CUX2: variants seen among roughly 807,000 people sequenced by gnomAD.
CUX2 encodes homeobox protein cut-like 2.
Under a neutral mutation model 144.8 loss-of-function variants are expected in CUX2, and 40 were observed. That is an observed-to-expected ratio of 0.28 (90% confidence interval 0.21 to 0.36). CUX2 has a LOEUF of 0.36. Ranked by LOEUF, CUX2 falls within the 10% of genes least tolerant of loss-of-function variation. The probability of loss-of-function intolerance (pLI) is 1.00; values close to 1 mark genes in which losing one functional copy is unlikely to be tolerated. For synonymous variants in CUX2, 827 were observed against 875.6 expected (o/e 0.94, Z 0.98); for missense variants, 1,615 against 1,994.0 (o/e 0.81, Z 3.62).
chr12:111,341,898 C>G lies in CUX2; in HGVS notation c.3504C>G (p.Ile1168Met), dbSNP rs764195873. Residue 1168 changes from isoleucine to methionine, a missense_variant, in exon 21 of 22, where the codon ATC becomes ATG. Transcript: ENST00000261726. ...CCCAGGACCTGAGCCTCCTGCAGAT[C>G]AAGAAGCCCCGGGTGGTGCTGGCAC... ...LQPQDLSLLQIKKPRVVLAPE... is the reference protein window; with the variant it reads ...LQPQDLSLLQMKKPRVVLAPE... The G allele has an allele frequency of 6.2e-6, 10 of 1,614,082 alleles. No individual in the cohort carries two copies. The South Asian group carries it at 1.1e-4, about 18-fold the overall frequency.
chr12:111,236,144 A>G (rs913026979), intron 3 of CUX2, among the ~76,000 whole-genome samples: 3 of 152,188 alleles, frequency 2.0e-5, no homozygotes, highest in Non-Finnish European at 4.4e-5. Context: ...CCATGACACT[A>G]TGCCTAGCAC....
rs1261463380 is a variant in CUX2, at chr12:111,295,258, G to C, written c.561-75G>C. ...GGAGTGGGCAAGGGGTAGGAAGCAA[G>C]ATGGGGCTCGACTCGGGGGCCCCAG... is the stretch of plus-strand genomic sequence containing the variant. On this transcript the variant is annotated intron_variant, in intron 6 of 21. Transcript: ENST00000261726. The surrounding 1 kb of genome is among the most constrained non-coding windows in gnomAD (Gnocchi z 5.0). The C allele has an allele frequency of 7.2e-7, 1 of 1,384,466 alleles. No homozygotes were observed. Among genetic ancestry groups the C allele is most frequent in the African/African-American group, 1.4e-5 (1 of 69,740 alleles). 85.8% of individuals were successfully genotyped at this position (1,384,466 alleles called of 1,614,324 possible). A position where few individuals can be genotyped will look rare whatever the true frequency, so the allele number is the denominator to read the frequency against.
intron 4 of CUX2, among the ~76,000 whole-genome samples, chr12:111,265,291 CTATTT>C (rs770725447): frequency 6.0e-5 from 9 of 149,594 alleles, no homozygotes; most frequent in South Asian, 2.1e-4. Context: ...AAAGCTTCCC[CTATTT>C]TATTTTATTT....
chr12:111,151,566 A>T (rs1239900156), intron 1 of CUX2, among the ~76,000 whole-genome samples: 1 of 152,166 alleles, frequency 6.6e-6, no homozygotes, highest in Non-Finnish European at 1.5e-5. Context: ...GGCAGCGAGA[A>T]TTGGGCACCT....
At chr12:111,087,385 A>G (rs999703146) in intron 1 of CUX2, among the ~76,000 whole-genome samples, 2 of 151,196 alleles carry the variant, frequency 1.3e-5, no homozygotes, top group African/African-American at 2.4e-5. Context: ...AAAAAAAAAA[A>G]AAAAAAAAAG....
At position 111,281,248 on chromosome 12, in the gene CUX2, C is replaced by A. The variant is rs1592913499; in HGVS notation, c.302-10170C>A. On this transcript the variant is annotated intron_variant, in intron 4 of 21. Transcript: ENST00000261726. ...CCAACTCCACTCCAGCCACTGGGACCTGGTGTCTTGTCCTCAGATGCCACT... is the reference window on the plus strand; with the variant it reads ...CCAACTCCACTCCAGCCACTGGGACATGGTGTCTTGTCCTCAGATGCCACT... Among the ~76,000 whole-genome samples, 3 of 152,304 alleles carry A rather than the reference C, an allele frequency of 2.0e-5. No individual in the cohort carries two copies. The South Asian group carries it at 6.2e-4, about 32-fold the overall frequency.
intron 1 of CUX2, among the ~76,000 whole-genome samples, chr12:111,161,610 G>T (rs774434918): frequency 6.6e-6 from 1 of 152,212 alleles, no homozygotes; most frequent in Non-Finnish European, 1.5e-5. Context: ...GGAAACTGAG[G>T]TTCAGCAAAA....
intron 1 of CUX2, among the ~76,000 whole-genome samples, chr12:111,090,169 CA>C (rs1293506529): frequency 3.9e-5 from 6 of 152,200 alleles, no homozygotes; most frequent in Non-Finnish European, 5.9e-5. Context: ...GGACATTTGT[CA>C]GTGCTGAATT....
intron 3 of CUX2, among the ~76,000 whole-genome samples, chr12:111,218,896 C>T (rs1194429715): frequency 3.0e-5 from 4 of 134,110 alleles, no homozygotes; most frequent in African/African-American, 8.2e-5. Context: ...TGCTTGACTT[C>T]GTAACCAAGA....
intron 1 of CUX2, among the ~76,000 whole-genome samples, chr12:111,055,920 C>G (rs1311655647): frequency 6.6e-6 from 1 of 152,222 alleles, no homozygotes; most frequent in Non-Finnish European, 1.5e-5. Flanking sequence ...CCTAGCTCTG[C>G]CGTGAAGCAG....
chr12:111,334,325 C>A (rs567014752), intron 18 of CUX2, 116 bp from the exon 19 acceptor site: 2 of 1,104,468 alleles, frequency 1.8e-6, no homozygotes, highest in East Asian at 2.6e-5. Flanking sequence ...ATTATTACTA[C>A]AGTGGTTGCA....
intron 4 of CUX2, among the ~76,000 whole-genome samples, chr12:111,278,554 G>A (rs114411995): frequency 0.017 from 2,603 of 152,228 alleles, 50 homozygotes; most frequent in East Asian, 0.046. Context: ...CTCACCCAGA[G>A]CTCTAATAAT....
rs1312911136 is a variant in CUX2, at chr12:111,039,637, C to A, written c.63+5397C>A. Reference sequence around the variant, plus strand: ...TCTCAGCTCACTGCAACCTCCGCCTCCCGGGTTCACGTGATTCCCAAGTAG... The same window carrying A: ...TCTCAGCTCACTGCAACCTCCGCCTACCGGGTTCACGTGATTCCCAAGTAG... On this transcript the variant is annotated intron_variant, in intron 1 of 21. Transcript: ENST00000261726. The surrounding 1 kb of genome is among the most constrained non-coding windows in gnomAD (Gnocchi z 4.2). Among the ~76,000 whole-genome samples, 1 of 152,172 alleles carries A rather than the reference C, an allele frequency of 6.6e-6. No individual in the cohort carries two copies. Among genetic ancestry groups the A allele is most frequent in the Non-Finnish European group, 1.5e-5 (1 of 68,026 alleles).
At chr12:111,058,855 G>A (rs1251938022) in intron 1 of CUX2, among the ~76,000 whole-genome samples, 1 of 152,092 alleles carries the variant, frequency 6.6e-6, no homozygotes, top group Non-Finnish European at 1.5e-5. Flanking sequence ...ATAAGAGGAG[G>A]AACACATCCA....
chr12:111,340,778 C>T (rs923287833), intron 20 of CUX2, among the ~76,000 whole-genome samples: 5 of 152,184 alleles, frequency 3.3e-5, no homozygotes, highest in African/African-American at 1.2e-4. Context: ...ATAGCCTGTT[C>T]CTCTTCCTTA....
At chr12:111,258,161 C>T (rs1306001734) in intron 3 of CUX2, among the ~76,000 whole-genome samples, 1 of 152,186 alleles carries the variant, frequency 6.6e-6, no homozygotes, top group Non-Finnish European at 1.5e-5. Flanking sequence ...CACGGACAAA[C>T]TGGGGCCAAG....
At chr12:111,152,181 A>G (rs1051314447) in intron 1 of CUX2, among the ~76,000 whole-genome samples, 1 of 152,166 alleles carries the variant, frequency 6.6e-6, no homozygotes, top group Non-Finnish European at 1.5e-5. Context: ...CTACCTCAGG[A>G]GGCTGAGGCA....
At chr12:111,135,447 CTT>C (rs1246185081) in intron 1 of CUX2, among the ~76,000 whole-genome samples, 1 of 152,172 alleles carries the variant, frequency 6.6e-6, no homozygotes, top group Non-Finnish European at 1.5e-5. Flanking sequence ...TAAACATAGA[CTT>C]AACCATGTGA....
At chr12:111,270,822 G>A (rs113559123) in intron 4 of CUX2, among the ~76,000 whole-genome samples, 24 of 152,028 alleles carry the variant, frequency 1.6e-4, no homozygotes, top group African/African-American at 2.4e-4. Context: ...CCTTCTCTTG[G>A]GGGGGAGGCT....
Sources: allele counts gnomAD v4.1 joint callset (sites outside exome capture counted in the v4.1 genomes callset), GRCh38; gene constraint gnomAD v4.1.1; non-coding constraint Gnocchi (gnomAD v3.1); transcripts MANE v1.5; gene names NCBI Gene and HGNC (gene_info 2026-07-23, HGNC 2026-07-21).